The following PPARD variants were observed in gnomAD, a reference collection of about 807,000 sequenced individuals.
PPARD encodes the protein peroxisome proliferator activated receptor delta.
A neutral mutation model predicts 39.5 loss-of-function variants in PPARD; 6 were observed. That is an observed-to-expected ratio of 0.15 (90% confidence interval 0.08 to 0.30). The LOEUF (loss-of-function observed/expected upper bound fraction) is 0.30. Ranked by LOEUF, PPARD falls within the 10% of genes least tolerant of loss-of-function variation. The probability of loss-of-function intolerance (pLI) is 1.00; values close to 1 mark genes in which losing one functional copy is unlikely to be tolerated. For synonymous variants in PPARD, 210 were observed against 231.3 expected (o/e 0.91, Z 0.83); for missense variants, 397 against 596.8 (o/e 0.67, Z 3.49).
At chr6:35,406,923 C>G (rs1419222587) in intron 2 of PPARD, among the ~76,000 whole-genome samples, 1 of 152,216 alleles carries the variant, frequency 6.6e-6, no homozygotes, top group Non-Finnish European at 1.5e-5. Flanking sequence ...TCTGCTTCGT[C>G]CTCTAGCATG....
chr6:35,348,867 G>A (rs1454298081), intron 2 of PPARD: 8 of 985,276 alleles, frequency 8.1e-6, no homozygotes, highest in East Asian at 1.1e-4. Flanking sequence ...CCTCCTGAGC[G>A]GGGAGAGCTA....
In PPARD at chr6:35,421,896, A is replaced by G. The variant is rs1416460153; in HGVS notation, c.362A>G (p.Asn121Ser). The change falls in exon 5 of 8, where the codon AAC becomes AGC. Residue 121 changes from asparagine (N) to serine (S), a missense_variant. Transcript: ENST00000360694. The part of the protein sequence containing the change: ...CERSCKIQKK[N>S]RNKCQYCRFQ... ...CGCAGCTGCAAGATTCAGAAGAAGA[A>G]CCGCAACAAGTGCCAGTACTGCCGC... 1.9e-6 allele frequency: 3 copies of G among 1,613,918 alleles called. No individual in the cohort carries two copies. The highest frequency in any genetic ancestry group is 2.5e-6 in the Non-Finnish European group (3 of 1,179,946).
intron 2 of PPARD, among the ~76,000 whole-genome samples, chr6:35,396,995 C>T (rs1764366149): frequency 6.6e-6 from 1 of 152,138 alleles, no homozygotes; most frequent in Non-Finnish European, 1.5e-5. Context: ...GAAGACCCAG[C>T]TCTCCTTGAC....
chr6:35,385,422 T>C (rs2056238401), intron 2 of PPARD, among the ~76,000 whole-genome samples: 1 of 150,348 alleles, frequency 6.7e-6, no homozygotes, highest in African/African-American at 2.4e-5. Flanking sequence ...GTTAAACAGA[T>C]GCTTGAAGGC....
rs1340234173 is a variant in PPARD, at chr6:35,424,170, C to T, written c.627+22C>T. On this transcript the variant is annotated intron_variant, in intron 6 of 7. Coordinates refer to ENST00000360694, the MANE Select transcript of PPARD (RefSeq NM_006238.5). This position sits in a 1 kb window ranked among gnomAD's most constrained non-coding sequence, Gnocchi z 7.1. The stretch of plus-strand genomic sequence containing the variant: ...GGCGGTGAGTGTTGCTGCTGCTTGG[C>T]CTGGCAGCATCCTGGGCTCTGGGTC... 1.2e-6 allele frequency: 2 copies of T among 1,610,390 alleles called. No individual in the cohort carries two copies. Among genetic ancestry groups the T allele is most frequent in the Admixed American group, 1.7e-5 (1 of 59,980 alleles).
rs1323236435 is a variant in PPARD, at chr6:35,425,977, A to G, written c.1224A>G (p.Gln408=). 2.5e-6 allele frequency: 4 copies of G among 1,614,110 alleles called. No homozygotes were observed. The highest frequency in any genetic ancestry group is 1.7e-5 in the Admixed American group (1 of 60,016). The change falls in exon 8 of 8, where the codon CAA becomes CAG. Residue 408 remains glutamine, a synonymous_variant. Transcript: ENST00000360694. This position sits in a 1 kb window ranked among gnomAD's most constrained non-coding sequence, Gnocchi z 4.5. ...TGCAGAAGATGGCTGACCTGCGGCA[A>G]CTGGTCACCGAGCACGCCCAGATGA... ...KLLQKMADLR[Q]LVTEHAQMMQ... is the part of the protein sequence containing the mutation.
intron 3 of PPARD, among the ~76,000 whole-genome samples, chr6:35,415,058 T>C (rs897628168): frequency 2.6e-5 from 4 of 152,202 alleles, no homozygotes; most frequent in Non-Finnish European, 5.9e-5. Context: ...CCTGCTTCAG[T>C]GACATCCATC....
At chr6:35,419,109 C>T (rs1765969884) in intron 3 of PPARD, among the ~76,000 whole-genome samples, 1 of 152,166 alleles carries the variant, frequency 6.6e-6, no homozygotes, top group South Asian at 2.1e-4. Context: ...CCCCCAACAT[C>T]CCCTTCTACT....
At chr6:35,360,852 G>A (rs1271497390) in intron 2 of PPARD, among the ~76,000 whole-genome samples, 1 of 152,200 alleles carries the variant, frequency 6.6e-6, no homozygotes, top group African/African-American at 2.4e-5. Context: ...GGGCTGGGGT[G>A]CAGGGATGGC....
In PPARD at chr6:35,421,842, G is replaced by A. The variant is rs765360583; in HGVS notation, c.308G>A (p.Arg103His). Reference sequence around the variant, plus strand: ...CAGGGCTTCTTCCGTCGTACGATCCGCATGAAGCTGGAGTACGAGAAGTGT... The same window carrying A: ...CAGGGCTTCTTCCGTCGTACGATCCACATGAAGCTGGAGTACGAGAAGTGT... ...GCKGFFRRTI[R>H]MKLEYEKCER... The change falls in exon 5 of 8, where the codon CGC (arginine) becomes CAC (histidine). Residue 103 changes from arginine to histidine, a missense_variant. Physicochemically the swap from Arg to His is conservative, Grantham distance 29 (BLOSUM62 0). Coordinates refer to ENST00000360694, the MANE Select transcript of PPARD (RefSeq NM_006238.5). 1.2e-5 allele frequency: 19 copies of A among 1,612,896 alleles called. No individual in the cohort carries two copies. The highest frequency in any genetic ancestry group is 2.7e-5 in the African/African-American group (2 of 74,842).
intron 2 of PPARD, among the ~76,000 whole-genome samples, chr6:35,407,722 C>G (rs539657862): frequency 2.7e-5 from 4 of 150,268 alleles, no homozygotes; most frequent in Non-Finnish European, 5.9e-5. Context: ...AAAAAGATTT[C>G]AGCTAAAATT....
At chr6:35,375,833 G>A (rs1298306795) in intron 2 of PPARD, among the ~76,000 whole-genome samples, 1 of 152,204 alleles carries the variant, frequency 6.6e-6, no homozygotes, top group Non-Finnish European at 1.5e-5. Context: ...GATTACAGGT[G>A]TGAGCCACCT....
At position 35,424,274 on chromosome 6, in the gene PPARD, GA is replaced by G; in HGVS notation, c.628-54del. ...TCATGGTGCAGGCAAGGGACATGGGGAGCACAGGGTGGGGGTCTCCCGAGGC... is the reference window on the plus strand; with the variant it reads ...TCATGGTGCAGGCAAGGGACATGGGGGCACAGGGTGGGGGTCTCCCGAGGC... On this transcript the variant is annotated intron_variant, in intron 6 of 7. Coordinates refer to ENST00000360694, the MANE Select transcript of PPARD (RefSeq NM_006238.5). The surrounding 1 kb of genome is among the most constrained non-coding windows in gnomAD (Gnocchi z 7.1). 6.3e-7 allele frequency: 1 copy of G among 1,598,042 alleles called. No homozygotes were observed.
chr6:35,352,180 T>C (rs569237539), intron 2 of PPARD, among the ~76,000 whole-genome samples: 1 of 151,368 alleles, frequency 6.6e-6, no homozygotes, highest in South Asian at 2.1e-4. Context: ...CAGTTCTTTT[T>C]TGTTTTGTTT....
At chr6:35,419,626 TG>T (rs1468249324) in intron 3 of PPARD, among the ~76,000 whole-genome samples, 1 of 152,158 alleles carries the variant, frequency 6.6e-6, no homozygotes, top group East Asian at 1.9e-4. Context: ...GAACTTCCTG[TG>T]GGGGATGGTG....
chr6:35,403,795 A>G (rs1410355015), intron 2 of PPARD, among the ~76,000 whole-genome samples: 1 of 151,744 alleles, frequency 6.6e-6, no homozygotes, highest in Admixed American at 6.6e-5. Flanking sequence ...GGAGGTGCAG[A>G]CAGGTCGCGA....
rs369362529 is a variant in PPARD, at chr6:35,392,422, C to T, written c.-101-18565C>T. 1.1e-3 allele frequency among the ~76,000 whole-genome samples: 171 copies of T among 152,084 alleles called. No individual in the cohort carries two copies. The South Asian group carries it at 0.021, about 19-fold the overall frequency. The stretch of plus-strand genomic sequence containing the variant: ...GAGTTGCTGGCACCGTTCCAGCCTC[C>T]GCCTGCCCAGACTGGGAAGTACAGG... On this transcript the variant is annotated intron_variant, in intron 2 of 7. Coordinates refer to ENST00000360694, the MANE Select transcript of PPARD (RefSeq NM_006238.5).
intron 2 of PPARD, among the ~76,000 whole-genome samples, chr6:35,351,928 C>T (rs1239883334): frequency 1.4e-5 from 2 of 141,206 alleles, no homozygotes. Flanking sequence ...TGCGGTGGCA[C>T]AGTCTTGGCT....
chr6:35,399,264 G>A (rs939948363), intron 2 of PPARD, among the ~76,000 whole-genome samples: 1 of 151,784 alleles, frequency 6.6e-6, no homozygotes, highest in Non-Finnish European at 1.5e-5. Flanking sequence ...GCTGGGTGTG[G>A]TGGCAGGTGC....
Sources: allele counts gnomAD v4.1 joint callset (sites outside exome capture counted in the v4.1 genomes callset), GRCh38; gene constraint gnomAD v4.1.1; non-coding constraint Gnocchi (gnomAD v3.1); transcripts MANE v1.5; gene names NCBI Gene and HGNC (gene_info 2026-07-23, HGNC 2026-07-21).